Variants in EGF observed in about 807,000 individuals in gnomAD.
EGF encodes the protein epidermal growth factor.
In EGF, 95 loss-of-function variants were observed where a neutral mutation model predicts 143.8. That is an observed-to-expected ratio of 0.66 (90% confidence interval 0.56 to 0.78). The LOEUF is 0.78. Among genes scored for constraint, EGF ranks in the 30% least tolerant of loss-of-function variants. The pLI, the probability that EGF is intolerant of heterozygous loss-of-function variation, is 0.00. For missense variants in EGF, 1,320 were observed against 1,470.9 expected, an observed-to-expected ratio of 0.90 and a Z score of 1.68; for synonymous variants, 510 against 510.5, an observed-to-expected ratio of 1.00 and a Z score of 0.01.
chr4:109,970,373 A>G (rs1747368952), intron 11 of EGF, among the ~76,000 whole-genome samples: 1 of 152,180 alleles, frequency 6.6e-6, no homozygotes, highest in Non-Finnish European at 1.5e-5. Flanking sequence ...GCCATCCTGA[A>G]CATCTGGTAC....
At position 109,959,370 on chromosome 4, in the gene EGF, C is replaced by A; in HGVS notation, c.999C>A (p.Asp333Glu). Residue 333 changes from aspartate to glutamate, a missense_variant, in exon 6 of 24, where the codon GAC becomes GAA. Asp to Glu is a conservative substitution (Grantham distance 45, BLOSUM62 2). Around this residue, in one of 5 missense-constraint regions of EGF, gnomAD observed 1,186 missense variants for 1,313.7 expected, o/e 0.90. Transcript: ENST00000265171. Reference protein sequence around the residue: ...GNCSSTVCGQDLQSHLCMCAE... With the variant: ...GNCSSTVCGQELQSHLCMCAE... Reference sequence around the variant, plus strand: ...GCAGCAGCACTGTGTGTGGGCAAGACCTCCAGTCACACTTGTGCATGTGTG... The same window carrying A: ...GCAGCAGCACTGTGTGTGGGCAAGAACTCCAGTCACACTTGTGCATGTGTG... 1.2e-6 allele frequency: 2 copies of A among 1,613,462 alleles called. No individual in the cohort carries two copies.
At chr4:109,929,974 T>C (rs954023742) in intron 1 of EGF, among the ~76,000 whole-genome samples, 5 of 152,140 alleles carry the variant, frequency 3.3e-5, no homozygotes, top group African/African-American at 1.2e-4. Context: ...GGGGGCGGTT[T>C]CCCCAGTGGT....
intron 3 of EGF, 31 bp from the exon 4 acceptor site, chr4:109,943,811 T>C: frequency 1.3e-6 from 2 of 1,593,244 alleles, no homozygotes; most frequent in Non-Finnish European, 1.7e-6. Context: ...ATACATTCAT[T>C]TTTGGGTCTA....
chr4:109,976,242 C>T lies in EGF; in HGVS notation c.2053+7C>T, dbSNP rs779016854. 4 of 1,612,576 alleles carry T rather than the reference C, an allele frequency of 2.5e-6. No homozygotes were observed. In the African/African-American group the frequency reaches 5.3e-5, roughly 22 times the overall value. The stretch of plus-strand genomic sequence containing the variant: ...CTTACCCAGAATGATGTAGGTGAGG[C>T]TTTGGGATGGGCGATTTTTTCATCT... On this transcript the variant is annotated splice_region_variant and intron_variant, in intron 13 of 23. Transcript: ENST00000265171.
chr4:110,000,481 C>T (rs934087191), intron 21 of EGF, among the ~76,000 whole-genome samples: 1 of 152,100 alleles, frequency 6.6e-6, no homozygotes, highest in Non-Finnish European at 1.5e-5. Context: ...TATAATTTTT[C>T]ATTGCTGCCT....
At chr4:109,953,534 T>G (rs1219218331) in intron 5 of EGF, among the ~76,000 whole-genome samples, 1 of 152,254 alleles carries the variant, frequency 6.6e-6, no homozygotes, top group East Asian at 1.9e-4. Context: ...AATAAAGAGT[T>G]AGTGTCCTAA....
chr4:109,945,832 T>C (rs1297356136), intron 5 of EGF, among the ~76,000 whole-genome samples: 2 of 152,186 alleles, frequency 1.3e-5, no homozygotes, highest in Admixed American at 1.3e-4. Context: ...ATAAAGTTTG[T>C]TAATGTAGGT....
chr4:109,935,757 G>A (rs1410028285), intron 1 of EGF, among the ~76,000 whole-genome samples: 1 of 152,082 alleles, frequency 6.6e-6, no homozygotes, highest in African/African-American at 2.4e-5. Flanking sequence ...AGCATGTAAG[G>A]GTGTTGAATT....
At chr4:110,004,351 A>G (rs1441895237) in intron 21 of EGF, 154 bp from the exon 22 acceptor site, 20 of 762,300 alleles carry the variant, frequency 2.6e-5, no homozygotes, top group Non-Finnish European at 4.7e-5. Context: ...TTAAACATCT[A>G]AAGTTATGTT....
At chr4:109,954,657 T>C (rs1040584221) in intron 5 of EGF, among the ~76,000 whole-genome samples, 3 of 152,202 alleles carry the variant, frequency 2.0e-5, no homozygotes, top group Non-Finnish European at 4.4e-5. Flanking sequence ...AGCAAAAATA[T>C]AGCCACGTTT....
intron 5 of EGF, among the ~76,000 whole-genome samples, chr4:109,949,997 C>T (rs1350343638): frequency 6.6e-6 from 1 of 152,208 alleles, no homozygotes; most frequent in Admixed American, 6.5e-5. Flanking sequence ...GATGATCTGA[C>T]CAGTTTCCTG....
At chr4:110,005,988 T>C (rs572917626) in intron 22 of EGF, among the ~76,000 whole-genome samples, 2 of 152,290 alleles carry the variant, frequency 1.3e-5, no homozygotes, top group East Asian at 3.9e-4. Flanking sequence ...CTACCTGTAA[T>C]AGGCATTCAG....
intron 1 of EGF, among the ~76,000 whole-genome samples, chr4:109,935,478 A>G (rs1579508746): frequency 1.3e-5 from 2 of 152,196 alleles, no homozygotes; most frequent in East Asian, 3.8e-4. Flanking sequence ...TTTTCTAGGT[A>G]TACAATCATG....
chr4:110,002,256 G>A (rs1752662964), intron 21 of EGF, among the ~76,000 whole-genome samples: 1 of 152,112 alleles, frequency 6.6e-6, no homozygotes, highest in African/African-American at 2.4e-5. Context: ...ATTTTGGGAG[G>A]CCAAGACAGG....
chr4:109,994,998 AAT>A, intron 20 of EGF, 118 bp downstream of exon 20: 1 of 1,303,010 alleles, frequency 7.7e-7, no homozygotes, highest in Non-Finnish European at 1.1e-6. Context: ...CTTTTGGAAA[AAT>A]ATAAACATAC....
rs1421745451 is a variant in EGF, at chr4:109,913,051, C to CT, written c.-284dup. On this transcript the variant is annotated 5_prime_UTR_variant, in exon 1 of 24. Transcript: ENST00000265171. Reference sequence around the variant, plus strand: ...TCAGCCAGAGCAGGGCTGTTAAACTCTGTGAAATTTGTCATAAGGGTGTCA... The same window carrying CT: ...TCAGCCAGAGCAGGGCTGTTAAACTCTTGTGAAATTTGTCATAAGGGTGTCA... 5.2e-6 allele frequency: 2 copies of CT among 387,906 alleles called. No homozygotes were observed. Among genetic ancestry groups the CT allele is most frequent in the African/African-American group, 4.2e-5 (2 of 48,096 alleles). 24.0% of individuals were successfully genotyped at this position (387,906 alleles called of 1,614,324 possible). A position where few individuals can be genotyped will look rare whatever the true frequency, so the allele number is the denominator to read the frequency against.
intron 22 of EGF, among the ~76,000 whole-genome samples, chr4:110,006,678 G>A (rs1753345721): frequency 6.6e-6 from 1 of 152,154 alleles, no homozygotes; most frequent in South Asian, 2.1e-4. Context: ...TCATCATCAT[G>A]GGAATGAAGG....
intron 16 of EGF, among the ~76,000 whole-genome samples, chr4:109,985,890 G>A (rs573119598): frequency 6.6e-6 from 1 of 152,228 alleles, no homozygotes; most frequent in African/African-American, 2.4e-5. Flanking sequence ...AGTGTGATAA[G>A]GTTAATTCTT....
At position 109,994,891 on chromosome 4, in the gene EGF, C is replaced by G. The variant is rs754453010; in HGVS notation, c.3005+11C>G. 1.9e-6 allele frequency: 3 copies of G among 1,614,102 alleles called. No homozygotes were observed. The South Asian group carries it at 3.3e-5, about 18-fold the overall frequency. The stretch of plus-strand genomic sequence containing the variant: ...CAAGTATGCATGCAAGTAAGTTAAA[C>G]TGTCTTGCTGATGGCACAGAGAGAT... On this transcript the variant is annotated intron_variant, in intron 20 of 23. Transcript: ENST00000265171.
Sources: gnomAD v4.1 joint callset for allele counts (sites outside exome capture counted in the v4.1 genomes callset) on GRCh38, gnomAD v4.1.1 for gene constraint, gnomAD v4.1.1 regional missense constraint, MANE v1.5 for transcripts, NCBI Gene and HGNC (gene_info 2026-07-23, HGNC 2026-07-21) for gene names.